The following SLC25A21 variants were observed in gnomAD, a reference collection of about 807,000 sequenced individuals.
SLC25A21 encodes the protein solute carrier family 25 member 21.
In SLC25A21, 47 loss-of-function variants were observed where a neutral mutation model predicts 43.8. That is an observed-to-expected ratio of 1.07 (90% CI 0.85 to 1.37). The LOEUF (loss-of-function observed/expected upper bound fraction) is 1.37, where lower values mean the gene tolerates loss of function less well. Among genes scored for constraint, SLC25A21 ranks in the 40% most tolerant of loss-of-function variants. SLC25A21 has a pLI of 0.00. For synonymous variants in SLC25A21, 131 were observed against 121.3 expected (o/e 1.08, Z -0.52); for missense variants, 352 against 350.2 (o/e 1.00, Z -0.04).
chr14:36,876,179 G>A (rs1890517551), intron 1 of SLC25A21, among the ~76,000 whole-genome samples: 1 of 152,138 alleles, frequency 6.6e-6, no homozygotes, highest in South Asian at 2.1e-4. Flanking sequence ...CCATGATGTA[G>A]TTTATCTTCC....
chr14:36,731,395 G>T (rs1180351535), intron 4 of SLC25A21, among the ~76,000 whole-genome samples: 1 of 152,132 alleles, frequency 6.6e-6, no homozygotes, highest in East Asian at 1.9e-4. Context: ...TGAAAGCACA[G>T]GAAAGCTGCT....
intron 1 of SLC25A21, among the ~76,000 whole-genome samples, chr14:36,992,998 A>G (rs934263180): frequency 1.3e-5 from 2 of 152,208 alleles, no homozygotes; most frequent in Non-Finnish European, 2.9e-5. Context: ...CAAGGCAGCA[A>G]TTATCTAATT....
At chr14:36,752,573 T>C (rs1166832277) in intron 3 of SLC25A21, among the ~76,000 whole-genome samples, 1 of 152,140 alleles carries the variant, frequency 6.6e-6, no homozygotes, top group African/African-American at 2.4e-5. Flanking sequence ...TTAAAAGAGG[T>C]TCTGACACAT....
chr14:36,782,979 A>T (rs569037474), intron 3 of SLC25A21, among the ~76,000 whole-genome samples: 144 of 150,458 alleles, frequency 9.6e-4, no homozygotes, highest in African/African-American at 3.4e-3. Flanking sequence ...ATAAAAAAAT[A>T]AAAAATAAAA....
intron 4 of SLC25A21, among the ~76,000 whole-genome samples, chr14:36,733,828 G>C (rs900787919): frequency 3.3e-5 from 5 of 152,148 alleles, no homozygotes; most frequent in Non-Finnish European, 5.9e-5. Flanking sequence ...GAAGACAGTA[G>C]TCAGATTGAG....
chr14:36,861,417 G>A (rs902785660), intron 2 of SLC25A21, among the ~76,000 whole-genome samples: 1 of 152,128 alleles, frequency 6.6e-6, no homozygotes, highest in Non-Finnish European at 1.5e-5. Context: ...GCTTTCCCAT[G>A]GGCCTAGCCT....
intron 1 of SLC25A21, among the ~76,000 whole-genome samples, chr14:37,030,740 C>T (rs1961193882): frequency 6.6e-6 from 1 of 152,114 alleles, no homozygotes; most frequent in Non-Finnish European, 1.5e-5. Flanking sequence ...CTGAGGGCCT[C>T]ATATCATCAG....
intron 1 of SLC25A21, among the ~76,000 whole-genome samples, chr14:37,080,438 CA>C (rs1280350038): frequency 1.3e-5 from 2 of 151,926 alleles, no homozygotes; most frequent in East Asian, 1.9e-4. Context: ...ACAAAAAGTA[CA>C]AAAAAACCAT....
chr14:37,097,926 T>C (rs1962733674), intron 1 of SLC25A21: 1 of 151,860 alleles, frequency 6.6e-6, no homozygotes, highest in African/African-American at 2.4e-5. Flanking sequence ...GATGGATATA[T>C]AGATAGGTAG....
chr14:36,696,325 G>C (rs1883023210), intron 7 of SLC25A21, among the ~76,000 whole-genome samples: 3 of 152,164 alleles, frequency 2.0e-5, no homozygotes, highest in Non-Finnish European at 2.9e-5. Flanking sequence ...TTTTATTGAG[G>C]ATTTTTGCAT....
chr14:36,946,077 T>C (rs1193533036), intron 1 of SLC25A21, among the ~76,000 whole-genome samples: 1 of 152,176 alleles, frequency 6.6e-6, no homozygotes, highest in Non-Finnish European at 1.5e-5. Context: ...AATTAGTGAA[T>C]ACCTCAAGGA....
In SLC25A21 at chr14:37,128,536, C is replaced by CTG. The variant is rs780961992; in HGVS notation, c.70+43744_70+43745insCA. Among the ~76,000 whole-genome samples, 514 of 86,948 alleles carry CTG rather than the reference C, an allele frequency of 5.9e-3. 1 individual carries two copies. Among genetic ancestry groups the CTG allele is most frequent in the East Asian group, 0.026 (87 of 3,354 alleles). 57.0% of individuals were successfully genotyped at this position (86,948 alleles called of 152,430 possible). On this transcript the variant is annotated intron_variant, in intron 1 of 9. Coordinates refer to ENST00000331299, the MANE Select transcript of SLC25A21 (RefSeq NM_030631.4). ...TTACTTTCTGTCTCTCTCTCTCTCT[C>CTG]TCTGTGTGTGTGTGTGTGTGTGTGT...
chr14:36,924,434 C>A (rs949134104), intron 1 of SLC25A21, among the ~76,000 whole-genome samples: 130 of 152,030 alleles, frequency 8.6e-4, no homozygotes, highest in Non-Finnish European at 2.4e-4. Flanking sequence ...GGACAAAAAA[C>A]CAAACACTGC....
chr14:36,895,673 A>G (rs1419502090), intron 1 of SLC25A21, among the ~76,000 whole-genome samples: 2 of 152,130 alleles, frequency 1.3e-5, no homozygotes, highest in African/African-American at 2.4e-5. Context: ...TCTTGTGGGC[A>G]TTTAGTGCTA....
intron 1 of SLC25A21, among the ~76,000 whole-genome samples, chr14:37,091,740 T>C (rs556450261): frequency 3.9e-5 from 6 of 152,336 alleles, no homozygotes; most frequent in African/African-American, 1.4e-4. Context: ...ACAAATATGA[T>C]ATCTGCAAAT....
chr14:36,979,808 T>C (rs185592518), intron 1 of SLC25A21, among the ~76,000 whole-genome samples: 17 of 152,216 alleles, frequency 1.1e-4, no homozygotes, highest in Admixed American at 1.0e-3. Flanking sequence ...GTTTTCATCT[T>C]TGTTTCTGAC....
chr14:36,854,817 G>A (rs1312849348), intron 2 of SLC25A21, among the ~76,000 whole-genome samples: 1 of 152,052 alleles, frequency 6.6e-6, no homozygotes, highest in Non-Finnish European at 1.5e-5. Flanking sequence ...ATCAACAAAA[G>A]GAAACCAGGG....
At chr14:36,894,365 C>T (rs1449747534) in intron 1 of SLC25A21, among the ~76,000 whole-genome samples, 1 of 152,132 alleles carries the variant, frequency 6.6e-6, no homozygotes, top group Admixed American at 6.5e-5. Flanking sequence ...TATAAGAATG[C>T]TTGTGATTTT....
chr14:37,146,487 T>A (rs539645437), intron 1 of SLC25A21, among the ~76,000 whole-genome samples: 1 of 152,292 alleles, frequency 6.6e-6, no homozygotes, highest in African/African-American at 2.4e-5. Flanking sequence ...CCTCAAGAGA[T>A]CCGCCTGACT....
Sources: gnomAD v4.1 joint callset for allele counts (sites outside exome capture counted in the v4.1 genomes callset) on GRCh38, gnomAD v4.1.1 for gene constraint, MANE v1.5 for transcripts, NCBI Gene and HGNC (gene_info 2026-07-23, HGNC 2026-07-21) for gene names.